RABEPK: variants seen among roughly 807,000 people sequenced by gnomAD.
The protein encoded by RABEPK is Rab9 effector protein with kelch motifs, also known as 40 kDa Rab9 effector protein.
Under a neutral mutation model 34.1 loss-of-function variants are expected in RABEPK, and 27 were observed. The ratio of observed to expected loss-of-function variants is 0.79; its 90% confidence interval spans 0.58 to 1.09. The LOEUF is 1.09. RABEPK is among the 50% of genes least tolerant of loss of function. The pLI is 0.00. For missense variants in RABEPK, 449 were observed against 462.6 expected (o/e 0.97, Z 0.27); for synonymous variants, 172 against 169.2 (o/e 1.02, Z -0.13).
chr9:125,233,882 G>A lies in RABEPK; in HGVS notation c.1021G>A (p.Glu341Lys), dbSNP rs1354724729. The A allele has an allele frequency of 4.3e-6, 7 of 1,613,814 alleles. No homozygotes were observed. The highest frequency in any genetic ancestry group is 5.9e-6 in the Non-Finnish European group (7 of 1,179,836). ...KVMSHSGDSHEESQTATLLCL... is the reference protein window; with the variant it reads ...KVMSHSGDSHKESQTATLLCL... ...AATGAGCCACAGTGGTGACTCACATGAGGAAAGCCAGACTGCTACACTGCT... is the reference window on the plus strand; with the variant it reads ...AATGAGCCACAGTGGTGACTCACATAAGGAAAGCCAGACTGCTACACTGCT... The change falls in exon 8 of 8, where the codon GAG becomes AAG. Residue 341 changes from glutamate (E) to lysine (K), a missense_variant. Transcript: ENST00000373538.
At chr9:125,201,471 GCTT>G (rs1829899187) in intron 1 of RABEPK, among the ~76,000 whole-genome samples, 2 of 152,306 alleles carry the variant, frequency 1.3e-5, no homozygotes, top group East Asian at 3.9e-4. Flanking sequence ...GTATTTCTCA[GCTT>G]CTTTAAATAT....
intron 6 of RABEPK, among the ~76,000 whole-genome samples, chr9:125,228,368 C>A (rs1831920526): frequency 6.6e-6 from 1 of 152,052 alleles, no homozygotes; most frequent in African/African-American, 2.4e-5. Flanking sequence ...AGAATATGGC[C>A]TTGCTTGGCC....
intron 5 of RABEPK, among the ~76,000 whole-genome samples, chr9:125,223,309 GGTGC>G (rs1831489348): frequency 6.8e-6 from 1 of 147,480 alleles, no homozygotes; most frequent in Non-Finnish European, 1.5e-5. Flanking sequence ...CGTGGTGGCA[GGTGC>G]CTGCCTGCCA....
At chr9:125,217,902 G>C (rs896100878) in intron 4 of RABEPK, among the ~76,000 whole-genome samples, 14 of 152,188 alleles carry the variant, frequency 9.2e-5, no homozygotes, top group South Asian at 4.1e-4. Flanking sequence ...GTCCCCATTT[G>C]AGTCCCACAC....
At position 125,202,691 on chromosome 9, in the gene RABEPK, G is replaced by A. The variant is rs143871984; in HGVS notation, c.-6-317G>A. On this transcript the variant is annotated intron_variant, in intron 1 of 7. Transcript: ENST00000373538. ...CTAAAAATAGAAAAATTAGCTGGGC[G>A]TAGTGGCACATGCCTGTAATCCAAG... 2.7e-4 allele frequency among the ~76,000 whole-genome samples: 41 copies of A among 152,102 alleles called. No homozygotes were observed. In the East Asian group the frequency reaches 7.6e-3, roughly 28 times the overall value.
intron 2 of RABEPK, among the ~76,000 whole-genome samples, chr9:125,204,387 G>C (rs1398343943): frequency 6.6e-6 from 1 of 152,144 alleles, no homozygotes; most frequent in Non-Finnish European, 1.5e-5. Flanking sequence ...TTTGAGACCA[G>C]TCTGGCCAAC....
chr9:125,219,603 A>G (rs1193716996), intron 4 of RABEPK, among the ~76,000 whole-genome samples: 1 of 151,844 alleles, frequency 6.6e-6, no homozygotes, highest in Non-Finnish European at 1.5e-5. Context: ...GGATTTCACC[A>G]TGTTGGCCAG....
At chr9:125,219,352 C>T (rs950279157) in intron 4 of RABEPK, among the ~76,000 whole-genome samples, 2 of 150,130 alleles carry the variant, frequency 1.3e-5, no homozygotes, top group African/African-American at 4.9e-5. Context: ...CTTACAGCCA[C>T]TGTGCTCAGC....
At chr9:125,225,387 CAA>C (rs35781703) in intron 5 of RABEPK, among the ~76,000 whole-genome samples, 78 of 145,546 alleles carry the variant, frequency 5.4e-4, no homozygotes, top group African/African-American at 5.0e-4. Context: ...AACTCCATCT[CAA>C]AAAAAAAAAA....
chr9:125,228,959 T>C (rs1345229493), intron 6 of RABEPK, among the ~76,000 whole-genome samples: 1 of 145,936 alleles, frequency 6.9e-6, no homozygotes, highest in Non-Finnish European at 1.5e-5. Flanking sequence ...TGAGACTCCA[T>C]CTCAGAAAAA....
intron 3 of RABEPK, among the ~76,000 whole-genome samples, chr9:125,210,591 G>C (rs1407797224): frequency 1.3e-5 from 2 of 150,294 alleles, no homozygotes; most frequent in Non-Finnish European, 3.0e-5. Context: ...ATGATGGCTT[G>C]TGCCCGTAGT....
At chr9:125,210,897 G>T (rs1369226440) in intron 3 of RABEPK, among the ~76,000 whole-genome samples, 1 of 145,240 alleles carries the variant, frequency 6.9e-6, no homozygotes, top group Non-Finnish European at 1.5e-5. Flanking sequence ...GAGTGCAGAG[G>T]CACGATCTTG....
At chr9:125,231,578 G>A (rs1368426249) in intron 6 of RABEPK, among the ~76,000 whole-genome samples, 1 of 151,932 alleles carries the variant, frequency 6.6e-6, no homozygotes, top group African/African-American at 2.4e-5. Context: ...CGAGGTGGGT[G>A]GATCACGAGG....
chr9:125,218,737 C>T (rs1432326538), intron 4 of RABEPK, among the ~76,000 whole-genome samples: 1 of 151,972 alleles, frequency 6.6e-6, no homozygotes, highest in Non-Finnish European at 1.5e-5. Flanking sequence ...CTCTCTTTCT[C>T]TCTCTCTTTC....
At chr9:125,208,641 T>C (rs963192046) in intron 3 of RABEPK, among the ~76,000 whole-genome samples, 1 of 151,970 alleles carries the variant, frequency 6.6e-6, no homozygotes, top group African/African-American at 2.4e-5. Flanking sequence ...GTTCAAGCGA[T>C]TCTCCTGCCT....
intron 4 of RABEPK, among the ~76,000 whole-genome samples, chr9:125,215,883 G>A (rs1023546687): frequency 2.6e-5 from 4 of 152,168 alleles, no homozygotes; most frequent in African/African-American, 4.8e-5. Context: ...AGATTTTTCC[G>A]GTTTATCCTC....
At chr9:125,229,414 G>C (rs1832023003) in intron 6 of RABEPK, among the ~76,000 whole-genome samples, 1 of 152,164 alleles carries the variant, frequency 6.6e-6, no homozygotes, top group African/African-American at 2.4e-5. Context: ...CTAGACGACA[G>C]AGTGAGACTC....
At chr9:125,224,297 T>C (rs780117136) in intron 5 of RABEPK, among the ~76,000 whole-genome samples, 31 of 152,074 alleles carry the variant, frequency 2.0e-4, no homozygotes, top group Non-Finnish European at 4.3e-4. Context: ...CAGAATTCTA[T>C]ATATGTACAG....
chr9:125,221,346 A>C (rs1831317998), intron 5 of RABEPK: 1 of 150,902 alleles, frequency 6.6e-6, no homozygotes, highest in Non-Finnish European at 1.5e-5. Context: ...AAAATACAAA[A>C]ATTGGCCGGG....
Sources: gnomAD v4.1 joint callset for allele counts (sites outside exome capture counted in the v4.1 genomes callset) on GRCh38, gnomAD v4.1.1 for gene constraint, MANE v1.5 for transcripts, NCBI Gene and HGNC (gene_info 2026-07-23, HGNC 2026-07-21) for gene names.